Variants in SCAF8 observed in about 807,000 individuals in gnomAD.
SCAF8 encodes SR-related CTD associated factor 8, also known as SR-related and CTD-associated factor 8.
A neutral mutation model predicts 140.5 loss-of-function variants in SCAF8; 23 were observed. That is an observed-to-expected ratio of 0.16 (90% CI 0.12 to 0.23). The LOEUF (loss-of-function observed/expected upper bound fraction) is 0.23. SCAF8 is among the 10% of genes least tolerant of loss of function. The pLI, the probability that SCAF8 is intolerant of heterozygous loss-of-function variation, is 1.00. For synonymous variants in SCAF8, 575 were observed against 528.9 expected (o/e 1.09, Z -1.20); for missense variants, 1,397 against 1,555.7 (o/e 0.90, Z 1.72).
At chr6:154,763,667 A>G (rs753134098) in intron 1 of SCAF8, among the ~76,000 whole-genome samples, 1 of 152,112 alleles carries the variant, frequency 6.6e-6, no homozygotes, top group Non-Finnish European at 1.5e-5. Context: ...GTTTTGGGTA[A>G]TGAGTTTCAT....
intron 1 of SCAF8, among the ~76,000 whole-genome samples, chr6:154,744,424 A>G (rs1778646667): frequency 6.6e-6 from 1 of 152,182 alleles, no homozygotes; most frequent in Non-Finnish European, 1.5e-5. Context: ...AAAGTGAACC[A>G]CTTTATAATA....
chr6:154,755,208 T>A (rs1436621767), intron 1 of SCAF8, among the ~76,000 whole-genome samples: 1 of 152,194 alleles, frequency 6.6e-6, no homozygotes. Flanking sequence ...TTTACTATGC[T>A]CTTTTTCTCT....
intron 1 of SCAF8, among the ~76,000 whole-genome samples, chr6:154,734,788 A>G (rs1322532015): frequency 2.6e-5 from 4 of 152,238 alleles, no homozygotes; most frequent in African/African-American, 4.8e-5. Flanking sequence ...GCAAGTACAC[A>G]TCTGCACAGT....
Position 154,737,427 on chromosome 6 carries a change from T to A in SCAF8, c.30+3497T>A, listed in dbSNP as rs143017778. Among the ~76,000 whole-genome samples, 704 of 152,218 alleles carry A rather than the reference T, an allele frequency of 4.6e-3. 1 individual carries two copies. Among genetic ancestry groups the A allele is most frequent in the African/African-American group, 0.016 (672 of 41,548 alleles). On this transcript the variant is annotated intron_variant, in intron 1 of 19. Coordinates refer to ENST00000367178, the MANE Select transcript of SCAF8 (RefSeq NM_014892.5). ...TCGATGGGTCATGCCTGTAATCCCATCCCTTTGGGAGGCCGAGGTGGGCAG... is the reference window on the plus strand; with the variant it reads ...TCGATGGGTCATGCCTGTAATCCCAACCCTTTGGGAGGCCGAGGTGGGCAG...
intron 18 of SCAF8, among the ~76,000 whole-genome samples, chr6:154,829,628 C>T (rs375340759): frequency 2.6e-4 from 39 of 152,192 alleles, no homozygotes; most frequent in African/African-American, 9.2e-4. Context: ...AAAATTTGGC[C>T]GGGCATGGTG....
At chr6:154,820,128 A>G (rs761239644) in intron 14 of SCAF8, 49 bp from the exon 15 acceptor site, 1 of 1,383,608 alleles carries the variant, frequency 7.2e-7, no homozygotes, top group Admixed American at 2.7e-5. Context: ...CCTTGTTTTT[A>G]TAGTATGTAT....
chr6:154,741,658 C>G (rs749477012), intron 1 of SCAF8, among the ~76,000 whole-genome samples: 4 of 152,052 alleles, frequency 2.6e-5, no homozygotes, highest in Admixed American at 2.0e-4. Context: ...CCGCCCGCCT[C>G]GGCCTCCCAA....
chr6:154,832,725 C>G lies in SCAF8; in HGVS notation c.3146C>G (p.Pro1049Arg), dbSNP rs762635755. 6.2e-7 allele frequency: 1 copy of G among 1,613,780 alleles called. No individual in the cohort carries two copies. The highest frequency in any genetic ancestry group is 1.3e-5 in the African/African-American group (1 of 74,854). ...CGGCCTATAGATCCAAGAGAAGGTCCTGGACGGCCTCCACTAGATGGTAGG... is the reference window on the plus strand; with the variant it reads ...CGGCCTATAGATCCAAGAGAAGGTCGTGGACGGCCTCCACTAGATGGTAGG... The part of the protein sequence containing the change: ...VGRPIDPREG[P>R]GRPPLDGRDH... The change falls in exon 20 of 20, where the codon CCT becomes CGT. Residue 1049 changes from proline to arginine, a missense_variant. By Grantham distance (103) the Pro-to-Arg change is moderately radical. Coordinates refer to ENST00000367178, the MANE Select transcript of SCAF8 (RefSeq NM_014892.5).
intron 6 of SCAF8, among the ~76,000 whole-genome samples, chr6:154,799,076 G>A (rs1299643888): frequency 6.6e-6 from 1 of 150,574 alleles, no homozygotes; most frequent in Non-Finnish European, 1.5e-5. Context: ...TCCGCCTCCC[G>A]GAGTGATTCT....
intron 6 of SCAF8, among the ~76,000 whole-genome samples, chr6:154,801,108 G>A (rs1410101891): frequency 6.6e-6 from 1 of 151,398 alleles, no homozygotes; most frequent in East Asian, 1.9e-4. Flanking sequence ...AAAGTGTAAA[G>A]GGGAAATACG....
At chr6:154,776,284 A>AGTGTGTATATATGTATATATATATAT (rs1776914508) in intron 2 of SCAF8, among the ~76,000 whole-genome samples, 1 of 150,810 alleles carries the variant, frequency 6.6e-6, no homozygotes, top group Non-Finnish European at 1.5e-5. Flanking sequence ...AACTGCATTT[A>AGTGTGTATATATGTATATATATATAT]GTGTGTATAT....
Position 154,802,458 on chromosome 6 carries a change from T to C in SCAF8, c.783+311T>C, listed in dbSNP as rs147674812. ...CAAACATGGTGAAACCCCATCTCTA[T>C]TAAAAATACAAAAATTAGCCAGATG... On this transcript the variant is annotated intron_variant, in intron 7 of 19. Transcript: ENST00000367178. 9.8e-3 allele frequency among the ~76,000 whole-genome samples: 1,483 copies of C among 151,842 alleles called. 30 individuals carry two copies. Among genetic ancestry groups the C allele is most frequent in the African/African-American group, 0.034 (1,404 of 41,358 alleles).
At chr6:154,778,116 A>G (rs1472528101) in intron 3 of SCAF8, 71 bp downstream of exon 3, 5 of 807,206 alleles carry the variant, frequency 6.2e-6, no homozygotes, top group East Asian at 2.6e-5. Context: ...CTTTAGATCA[A>G]ATACCCAAGT....
At chr6:154,793,877 G>A (rs1469001577) in intron 5 of SCAF8, among the ~76,000 whole-genome samples, 5 of 150,068 alleles carry the variant, frequency 3.3e-5, no homozygotes, top group Non-Finnish European at 5.9e-5. Context: ...AAATTGGTTA[G>A]CATTTCATAA....
chr6:154,737,345 C>T (rs1307202764), intron 1 of SCAF8, among the ~76,000 whole-genome samples: 1 of 152,126 alleles, frequency 6.6e-6, no homozygotes, highest in Admixed American at 6.6e-5. Context: ...TAATCAGGAA[C>T]GTTTGTCAAC....
intron 1 of SCAF8, among the ~76,000 whole-genome samples, chr6:154,761,939 A>G (rs1776413843): frequency 6.6e-6 from 1 of 152,130 alleles, no homozygotes; most frequent in Admixed American, 6.5e-5. Context: ...CAAATCTGTT[A>G]TTTACCTTTT....
chr6:154,791,369 T>C (rs896813872), intron 4 of SCAF8, among the ~76,000 whole-genome samples: 7 of 152,214 alleles, frequency 4.6e-5, no homozygotes, highest in South Asian at 2.1e-4. Flanking sequence ...AATAGTTAAA[T>C]AGAATTTCCC....
intron 1 of SCAF8, among the ~76,000 whole-genome samples, chr6:154,745,010 A>G (rs1274303845): frequency 6.6e-6 from 1 of 152,222 alleles, no homozygotes; most frequent in African/African-American, 2.4e-5. Context: ...CAAAATCAAG[A>G]AACTAACTTG....
intron 11 of SCAF8, among the ~76,000 whole-genome samples, 157 bp from the exon 12 acceptor site, chr6:154,809,858 T>G (rs1241248896): frequency 6.6e-6 from 1 of 152,132 alleles, no homozygotes; most frequent in African/African-American, 2.4e-5. Context: ...TTAAGTAAAA[T>G]GCATTTTTGA....
Sources: gnomAD v4.1 joint callset for allele counts (sites outside exome capture counted in the v4.1 genomes callset) on GRCh38, gnomAD v4.1.1 for gene constraint, MANE v1.5 for transcripts, NCBI Gene and HGNC (gene_info 2026-07-23, HGNC 2026-07-21) for gene names.